Variants in SGCZ observed in about 807,000 individuals in gnomAD.
SGCZ encodes zeta-sarcoglycan.
SGCZ carries 40 observed loss-of-function variants against 41.3 expected under a neutral mutation model. The observed-to-expected ratio is 0.97, with a 90% CI of 0.75 to 1.26. The LOEUF is 1.26. Among genes scored for constraint, SGCZ ranks in the 50% most tolerant of loss-of-function variants. The pLI, the probability that SGCZ is intolerant of heterozygous loss-of-function variation, is 0.00. For synonymous variants in SGCZ, 206 were observed against 137.5 expected, an observed-to-expected ratio of 1.50 and a Z score of -3.49; for missense variants, 552 against 369.8, an observed-to-expected ratio of 1.49 and a Z score of -4.04.
intron 5 of SGCZ, among the ~76,000 whole-genome samples, chr8:14,124,725 A>G (rs1802800713): frequency 1.3e-5 from 2 of 152,330 alleles, no homozygotes; most frequent in South Asian, 2.1e-4. Context: ...TTAATATTCA[A>G]ATATGCTCAT....
At chr8:14,547,171 C>G (rs2117167147) in intron 2 of SGCZ, among the ~76,000 whole-genome samples, 1 of 152,246 alleles carries the variant, frequency 6.6e-6, no homozygotes, top group African/African-American at 2.4e-5. Flanking sequence ...ATTTGACACT[C>G]TGTTCATTAA....
chr8:14,341,078 T>A (rs780410330), intron 2 of SGCZ, among the ~76,000 whole-genome samples: 4 of 152,176 alleles, frequency 2.6e-5, no homozygotes, highest in African/African-American at 9.7e-5. Context: ...TCTTCAAGAG[T>A]CATCTATGTT....
intron 1 of SGCZ, among the ~76,000 whole-genome samples, chr8:14,663,236 A>T (rs1807811621): frequency 6.6e-6 from 1 of 152,176 alleles, no homozygotes; most frequent in African/African-American, 2.4e-5. Context: ...TGATTTTGAA[A>T]ATTTAATTTA....
intron 3 of SGCZ, among the ~76,000 whole-genome samples, chr8:14,306,577 C>T (rs1801359257): frequency 6.6e-6 from 1 of 152,236 alleles, no homozygotes; most frequent in East Asian, 1.9e-4. Flanking sequence ...AAGAGGACCA[C>T]CAACATGGCA....
At chr8:14,231,383 A>G (rs746898006) in intron 4 of SGCZ, among the ~76,000 whole-genome samples, 6 of 151,944 alleles carry the variant, frequency 3.9e-5, no homozygotes, top group Admixed American at 6.6e-5. Context: ...AATTTCATCA[A>G]TATCAATTTC....
rs1334595691 is a variant in SGCZ, at chr8:14,326,066, C to T, written c.235-1862G>A. ...GGCGGAGCCACAAATGAGCCGAGAT[C>T]GCTCCACTGAACTCCAGCCTGGGCG... On this transcript the variant is annotated intron_variant, in intron 2 of 7. Coordinates refer to ENST00000382080, the MANE Select transcript of SGCZ (RefSeq NM_139167.4). 2.3e-5 allele frequency among the ~76,000 whole-genome samples: 3 copies of T among 131,570 alleles called. No individual in the cohort carries two copies. In the Admixed American group the frequency reaches 2.6e-4, roughly 12 times the overall value. The allele number at this position is 131,570 out of a possible 152,430, so 86.3% of individuals were successfully genotyped here.
intron 1 of SGCZ, among the ~76,000 whole-genome samples, chr8:14,649,813 C>T (rs1807339352): frequency 6.6e-6 from 1 of 152,004 alleles, no homozygotes; most frequent in Admixed American, 6.6e-5. Flanking sequence ...ATTGTACTTC[C>T]ACCCAAGGCA....
At chr8:14,720,591 A>C (rs1404203672) in intron 1 of SGCZ, among the ~76,000 whole-genome samples, 1 of 152,034 alleles carries the variant, frequency 6.6e-6, no homozygotes, top group Non-Finnish European at 1.5e-5. Flanking sequence ...AGTGAAGGCA[A>C]ACTCTGGCTC....
intron 2 of SGCZ, among the ~76,000 whole-genome samples, chr8:14,375,447 C>T (rs932670907): frequency 1.3e-5 from 2 of 152,086 alleles, no homozygotes; most frequent in Admixed American, 6.6e-5. Flanking sequence ...TGACTAACTA[C>T]CTATTTATCT....
chr8:14,836,712 G>A (rs1475016938), intron 1 of SGCZ, among the ~76,000 whole-genome samples: 1 of 152,116 alleles, frequency 6.6e-6, no homozygotes, highest in Non-Finnish European at 1.5e-5. Flanking sequence ...TGTTGGCCAG[G>A]CTGGTCTCAA....
chr8:15,183,517 T>C (rs1453476494), intron 1 of SGCZ, among the ~76,000 whole-genome samples: 3 of 152,334 alleles, frequency 2.0e-5, no homozygotes, highest in East Asian at 3.9e-4. Context: ...AACTCAGAGA[T>C]GTCATGTGAT....
At chr8:14,229,680 A>AG (rs1806493516) in intron 4 of SGCZ, among the ~76,000 whole-genome samples, 1 of 152,062 alleles carries the variant, frequency 6.6e-6, no homozygotes, top group Non-Finnish European at 1.5e-5. Context: ...ATTAAAAAAA[A>AG]CATAAATTTG....
rs1445609095 is a variant in SGCZ at position 15,172,167 on chromosome 8, T to TATTTATTTTTTA, written c.39+65417_39+65418insTAAAAAATAAAT. Among the ~76,000 whole-genome samples, 283 of 132,456 alleles carry TATTTATTTTTTA rather than the reference T, an allele frequency of 2.1e-3. 2 individuals are homozygous for TATTTATTTTTTA. Among genetic ancestry groups the TATTTATTTTTTA allele is most frequent in the Non-Finnish European group, 3.5e-3 (218 of 62,686 alleles). 86.9% of individuals were successfully genotyped at this position (132,456 alleles called of 152,430 possible). ...CTTTTATACTCTGTTTTTTTTTTTT[T>TATTTATTTTTTA]TTTTTTTTTTTTGAGACGGAGTTTC... On this transcript the variant is annotated intron_variant, in intron 1 of 7. Transcript: ENST00000382080.
chr8:14,452,375 C>G (rs562115090), intron 2 of SGCZ, among the ~76,000 whole-genome samples: 56 of 151,878 alleles, frequency 3.7e-4, no homozygotes, highest in African/African-American at 1.3e-3. Flanking sequence ...GATATCGTAA[C>G]GGTGGATACA....
intron 3 of SGCZ, among the ~76,000 whole-genome samples, chr8:14,241,405 T>C (rs1798884585): frequency 6.7e-6 from 1 of 148,944 alleles, no homozygotes; most frequent in East Asian, 1.9e-4. Flanking sequence ...ACTATAAAGA[T>C]ATAATATTTA....
chr8:14,597,054 G>T (rs1450494942), intron 1 of SGCZ, among the ~76,000 whole-genome samples: 1 of 152,128 alleles, frequency 6.6e-6, no homozygotes, highest in Non-Finnish European at 1.5e-5. Context: ...TAGTTTAGTA[G>T]GCAGCATTTT....
At chr8:14,304,418 A>G (rs1436765399) in intron 3 of SGCZ, among the ~76,000 whole-genome samples, 1 of 152,026 alleles carries the variant, frequency 6.6e-6, no homozygotes, top group Non-Finnish European at 1.5e-5. Context: ...ATACAGTAAA[A>G]CTTTGTCTCT....
intron 1 of SGCZ, among the ~76,000 whole-genome samples, chr8:14,874,897 G>GA (rs1182451465): frequency 6.6e-6 from 1 of 152,092 alleles, no homozygotes; most frequent in Non-Finnish European, 1.5e-5. Context: ...TTTTTCATAA[G>GA]TAACTAAAGT....
intron 5 of SGCZ, among the ~76,000 whole-genome samples, chr8:14,131,319 A>T (rs1408575454): frequency 6.6e-6 from 1 of 152,122 alleles, no homozygotes; most frequent in East Asian, 1.9e-4. Context: ...ACCAAAAGGG[A>T]CTTCTTGTAG....
Sources: allele counts gnomAD v4.1 joint callset (sites outside exome capture counted in the v4.1 genomes callset), GRCh38; gene constraint gnomAD v4.1.1; transcripts MANE v1.5; gene names NCBI Gene and HGNC (gene_info 2026-07-23, HGNC 2026-07-21).